Variants in SOX6 observed in about 807,000 individuals in gnomAD.
SOX6 encodes the protein transcription factor SOX-6.
Under a neutral mutation model 97.8 loss-of-function variants are expected in SOX6, and 11 were observed. The observed-to-expected ratio is 0.11, with a 90% CI of 0.07 to 0.19. The LOEUF is 0.19. Ranked by LOEUF, SOX6 falls within the 10% of genes least tolerant of loss-of-function variation. SOX6 has a pLI of 1.00. For missense variants in SOX6, 810 were observed against 1,039.5 expected, an observed-to-expected ratio of 0.78 and a Z score of 3.04; for synonymous variants, 360 against 371.4, an observed-to-expected ratio of 0.97 and a Z score of 0.35.
intron 4 of SOX6, among the ~76,000 whole-genome samples, chr11:16,556,650 T>C (rs528675167): frequency 1.1e-4 from 16 of 151,928 alleles, no homozygotes; most frequent in East Asian, 3.9e-4. Flanking sequence ...CATCAAGCCA[T>C]GTAGTATGGC....
chr11:15,976,399 CTG>C (rs949211967), intron 15 of SOX6, among the ~76,000 whole-genome samples: 3 of 152,142 alleles, frequency 2.0e-5, no homozygotes, highest in African/African-American at 7.2e-5. Context: ...TTTGACAGGA[CTG>C]TGAAGATTAA....
chr11:16,733,256 T>C (rs573793327), intron 2 of SOX6, among the ~76,000 whole-genome samples: 1 of 152,354 alleles, frequency 6.6e-6, no homozygotes, highest in South Asian at 2.1e-4. Flanking sequence ...TAAATCATTG[T>C]ACTTTAAAGA....
At position 16,381,697 on chromosome 11, in the gene SOX6, C is replaced by T. The variant is rs370937871; in HGVS notation, c.-4-40445G>A. Among the ~76,000 whole-genome samples the T allele has an allele frequency of 2.0e-5, 3 of 151,660 alleles. No individual in the cohort carries two copies. The South Asian group carries it at 6.3e-4, about 32-fold the overall frequency. The stretch of plus-strand genomic sequence containing the variant: ...CCAAAAGAGAAAACATGCTTGAAAC[C>T]TTTTCTTTTTCAGTACAAAATTCTA... On this transcript the variant is annotated intron_variant, in intron 1 of 15. Transcript: ENST00000396356.
chr11:16,125,079 C>A (rs1285266375), intron 6 of SOX6, among the ~76,000 whole-genome samples: 1 of 152,018 alleles, frequency 6.6e-6, no homozygotes, highest in African/African-American at 2.4e-5. Flanking sequence ...TTGATTCATT[C>A]ATTGATTGAC....
At chr11:16,290,978 T>G (rs1854893089) in intron 3 of SOX6, among the ~76,000 whole-genome samples, 1 of 152,010 alleles carries the variant, frequency 6.6e-6, no homozygotes, top group Non-Finnish European at 1.5e-5. Context: ...CGGGGAAGCT[T>G]GATTTAATTG....
At chr11:16,280,724 G>A (rs1355189189) in intron 3 of SOX6, among the ~76,000 whole-genome samples, 2 of 152,034 alleles carry the variant, frequency 1.3e-5, no homozygotes, top group Non-Finnish European at 2.9e-5. Context: ...AAAGAGAATC[G>A]TATTATCTTG....
At chr11:16,481,952 T>TA (rs36030535) in intron 4 of SOX6, among the ~76,000 whole-genome samples, 24,506 of 151,696 alleles carry the variant, frequency 0.16, 2,009 homozygotes, top group Non-Finnish European at 0.17. Flanking sequence ...TTTTCCAAAA[T>TA]AAAAAAAAGA....
At chr11:16,645,176 A>AT (rs1394846890) in intron 3 of SOX6, among the ~76,000 whole-genome samples, 5 of 151,910 alleles carry the variant, frequency 3.3e-5, no homozygotes, top group Non-Finnish European at 7.4e-5. Context: ...TTTCAATCAA[A>AT]TTTTTTTTCT....
intron 4 of SOX6, among the ~76,000 whole-genome samples, chr11:16,200,833 C>T (rs1039279154): frequency 1.3e-5 from 2 of 152,210 alleles, no homozygotes; most frequent in East Asian, 3.9e-4. Context: ...AGGCTGGGCG[C>T]GATGGCTCCT....
chr11:16,289,040 T>C (rs1854831720), intron 3 of SOX6, among the ~76,000 whole-genome samples: 1 of 151,856 alleles, frequency 6.6e-6, no homozygotes, highest in African/African-American at 2.4e-5. Context: ...GTCCTCATAT[T>C]AATGAATTTA....
intron 4 of SOX6, among the ~76,000 whole-genome samples, chr11:16,599,828 T>A (rs867886538): frequency 1.3e-5 from 2 of 151,870 alleles, no homozygotes; most frequent in East Asian, 3.9e-4. Flanking sequence ...AAAATGAAAG[T>A]TTTTTTGAGT....
In SOX6 at chr11:16,128,921, C is replaced by T. The variant is rs192125193; in HGVS notation, c.778-16998G>A. Reference sequence around the variant, plus strand: ...TGTTGCCCAGGCAGGAGTGCAATAGCGCAATCTCGGCTCACCGCAACCTCC... The same window carrying T: ...TGTTGCCCAGGCAGGAGTGCAATAGTGCAATCTCGGCTCACCGCAACCTCC... On this transcript the variant is annotated intron_variant, in intron 6 of 15. Coordinates refer to ENST00000683767, the MANE Select transcript of SOX6 (RefSeq NM_001367873.1). 4.3e-4 allele frequency among the ~76,000 whole-genome samples: 65 copies of T among 152,084 alleles called. No homozygotes were observed. The East Asian group carries it at 0.01, about 24-fold the overall frequency.
chr11:16,731,485 T>C (rs182490815), intron 2 of SOX6, among the ~76,000 whole-genome samples: 1,742 of 152,234 alleles, frequency 0.011, 24 homozygotes, highest in African/African-American at 0.04. Context: ...ACAGAACCAA[T>C]GACAAAACCC....
chr11:16,526,296 T>G (rs909259954), intron 4 of SOX6, among the ~76,000 whole-genome samples: 5 of 152,104 alleles, frequency 3.3e-5, no homozygotes, highest in African/African-American at 9.7e-5. Flanking sequence ...TGGAATACTA[T>G]GCAGCCATAA....
chr11:16,363,686 T>C (rs958166288), intron 1 of SOX6, among the ~76,000 whole-genome samples: 8 of 152,144 alleles, frequency 5.3e-5, no homozygotes, highest in Admixed American at 4.6e-4. Flanking sequence ...AAGTCAGTAC[T>C]CCAACAGTTA....
rs1272837146 is a variant in SOX6 at position 16,381,182 on chromosome 11, G to A, written c.-4-39930C>T. Reference sequence around the variant, plus strand: ...AGACAAAAAGAATTTTAGAAAGAAAGAAGAAAAATGAGAAGAGAGAAAAGA... The same window carrying A: ...AGACAAAAAGAATTTTAGAAAGAAAAAAGAAAAATGAGAAGAGAGAAAAGA... On this transcript the variant is annotated intron_variant, in intron 1 of 15. Coordinates refer to the SOX6 transcript ENST00000396356. Among the ~76,000 whole-genome samples the A allele has an allele frequency of 4.6e-5, 7 of 151,938 alleles. No homozygotes were observed. In the East Asian group the frequency reaches 1.2e-3, roughly 25 times the overall value.
chr11:16,291,987 A>G (rs550563425), intron 3 of SOX6, among the ~76,000 whole-genome samples: 40 of 152,270 alleles, frequency 2.6e-4, no homozygotes. Context: ...TGTTAGTCCC[A>G]GAGGCTTAAA....
intron 4 of SOX6, among the ~76,000 whole-genome samples, chr11:16,496,898 C>A (rs1860608575): frequency 6.6e-6 from 1 of 152,208 alleles, no homozygotes. Context: ...GGGGAGAGTG[C>A]ATAGCCAGAC....
chr11:16,099,403 TA>T (rs992114285), intron 7 of SOX6, among the ~76,000 whole-genome samples: 4 of 151,752 alleles, frequency 2.6e-5, no homozygotes, highest in African/African-American at 7.3e-5. Flanking sequence ...TATCAAGTTT[TA>T]AAAAAATCAC....
Sources: allele counts gnomAD v4.1 joint callset (sites outside exome capture counted in the v4.1 genomes callset), GRCh38; gene constraint gnomAD v4.1.1; transcripts MANE v1.5; gene names NCBI Gene and HGNC (gene_info 2026-07-23, HGNC 2026-07-21).